DNAAF11: variants seen among roughly 807,000 people sequenced by gnomAD.
DNAAF11 encodes the protein dynein axonemal assembly factor 11.
A neutral mutation model predicts 60.8 loss-of-function variants in DNAAF11; 45 were observed. That is an observed-to-expected ratio of 0.74 (90% CI 0.58 to 0.95). DNAAF11 has a LOEUF of 0.95. DNAAF11 is among the 40% of genes least tolerant of loss of function. DNAAF11 has a pLI of 0.00. For missense variants in DNAAF11, 546 were observed against 546.2 expected (o/e 1.00, Z 0.00); for synonymous variants, 191 against 183.5 (o/e 1.04, Z -0.33).
intron 10 of DNAAF11, among the ~76,000 whole-genome samples, chr8:132,588,141 T>TA (rs533472420): frequency 1.6e-4 from 25 of 152,280 alleles, no homozygotes; most frequent in African/African-American, 6.0e-4. Context: ...GTTTGACCCA[T>TA]AAAAAATAAT....
At chr8:132,676,216 A>C (rs112164610), upstream of DNAAF11, among the ~76,000 whole-genome samples, 15 of 152,224 alleles carry the variant, frequency 9.9e-5, no homozygotes, top group African/African-American at 3.6e-4. Context: ...AAAATGTAGG[A>C]AGTATATCTC....
At chr8:132,658,690 T>C (rs1346375613) in intron 2 of DNAAF11, among the ~76,000 whole-genome samples, 1 of 152,184 alleles carries the variant, frequency 6.6e-6, no homozygotes, top group Non-Finnish European at 1.5e-5. Flanking sequence ...TACTTTATTA[T>C]TGTTAAAATG....
intron 7 of DNAAF11, among the ~76,000 whole-genome samples, chr8:132,620,427 C>G (rs1368788247): frequency 6.6e-6 from 1 of 152,146 alleles, no homozygotes; most frequent in East Asian, 1.9e-4. Context: ...CTCTGCCTCC[C>G]AGGTTCAAGC....
chr8:132,678,080 T>C (rs921099627), upstream of DNAAF11, among the ~76,000 whole-genome samples: 2 of 151,602 alleles, frequency 1.3e-5, no homozygotes, highest in African/African-American at 4.9e-5. Context: ...AGTTCAAGAG[T>C]AAGATTGAGA....
Position 132,611,231 on chromosome 8 carries a change from G to C in DNAAF11, c.1044+63C>G, listed in dbSNP as rs1309221556. ...TTAATAATACTTAAAAACATTTGAGGCACCACAGCTTAGTTCAAAGCTTAG... is the reference window on the plus strand; with the variant it reads ...TTAATAATACTTAAAAACATTTGAGCCACCACAGCTTAGTTCAAAGCTTAG... On this transcript the variant is annotated intron_variant, in intron 9 of 11. Transcript: ENST00000620350. The C allele has an allele frequency of 4.4e-6, 5 of 1,131,224 alleles. No individual in the cohort carries two copies. The African/African-American group carries it at 6.2e-5, about 14-fold the overall frequency. The allele number at this position is 1,131,224 out of a possible 1,614,324, so 70.1% of individuals were successfully genotyped here.
At chr8:132,671,457 C>T (rs1303088458) in intron 1 of DNAAF11, among the ~76,000 whole-genome samples, 1 of 152,100 alleles carries the variant, frequency 6.6e-6, no homozygotes, top group African/African-American at 2.4e-5. Flanking sequence ...TCATTCTCCC[C>T]AAATCGAGCT....
intron 1 of DNAAF11, among the ~76,000 whole-genome samples, chr8:132,674,706 T>C (rs1825608764): frequency 6.6e-6 from 1 of 152,112 alleles, no homozygotes; most frequent in African/African-American, 2.4e-5. Context: ...CTGGCCAACA[T>C]GGCAAAACCC....
chr8:132,632,998 C>A (rs771249725), intron 4 of DNAAF11, 35 bp from the exon 5 acceptor site: 3 of 1,455,628 alleles, frequency 2.1e-6, no homozygotes, highest in Admixed American at 3.4e-5. Flanking sequence ...TACAATTGTT[C>A]AAAAGTAGCA....
At chr8:132,685,360 C>A in the DNAAF11 span, among the ~76,000 whole-genome samples, 4 of 152,152 alleles carry the variant, frequency 2.6e-5, no homozygotes, top group African/African-American at 9.7e-5. Context: ...TTAATATAAT[C>A]AACCAAGATA....
intron 8 of DNAAF11, among the ~76,000 whole-genome samples, chr8:132,614,253 C>T (rs1466597368): frequency 2.0e-5 from 3 of 152,068 alleles, no homozygotes; most frequent in African/African-American, 4.8e-5. Context: ...CTGAAGGACA[C>T]GAGGCAGCAA....
intron 7 of DNAAF11, among the ~76,000 whole-genome samples, chr8:132,617,720 C>G (rs1819319249): frequency 6.6e-6 from 1 of 151,916 alleles, no homozygotes; most frequent in South Asian, 2.1e-4. Context: ...AATAAAATAC[C>G]TAGGAATCCA....
chr8:132,585,417 T>C (rs1815788034), intron 10 of DNAAF11, among the ~76,000 whole-genome samples: 1 of 152,158 alleles, frequency 6.6e-6, no homozygotes. Context: ...TGGGAGGGTG[T>C]ATGTGCGTTG....
intron 1 of DNAAF11, among the ~76,000 whole-genome samples, chr8:132,672,819 G>C (rs578077781): frequency 6.6e-6 from 1 of 152,276 alleles, no homozygotes; most frequent in East Asian, 1.9e-4. Context: ...CGGGAAGCTC[G>C]TATCCTAGGT....
At chr8:132,647,735 CT>C (rs1356542363) in intron 3 of DNAAF11, among the ~76,000 whole-genome samples, 198 of 152,288 alleles carry the variant, frequency 1.3e-3, no homozygotes, top group African/African-American at 4.5e-3. Flanking sequence ...CTATAAACAC[CT>C]CTACGCAAAT....
At chr8:132,669,940 C>CAAAAA (rs35402875) in intron 1 of DNAAF11, among the ~76,000 whole-genome samples, 28 of 69,748 alleles carry the variant, frequency 4.0e-4, no homozygotes, top group African/African-American at 7.6e-4. Context: ...GACTCCGTCT[C>CAAAAA]AAAAAAAAAA....
intron 10 of DNAAF11, among the ~76,000 whole-genome samples, chr8:132,592,062 G>C (rs1816521338): frequency 6.6e-6 from 1 of 152,010 alleles, no homozygotes; most frequent in Admixed American, 6.6e-5. Context: ...TTTCCAAATA[G>C]CCAATATCCT....
Position 132,653,994 on chromosome 8 carries a change from G to A in DNAAF11, c.256+2836C>T, listed in dbSNP as rs200851941. ...CAGGATAGATTAAAAATCAAAACAC[G>A]ATTCATCTATATGCCTTTTAAAGAG... On this transcript the variant is annotated intron_variant, in intron 3 of 11. Coordinates refer to ENST00000620350, the MANE Select transcript of DNAAF11 (RefSeq NM_012472.6). 1.7e-4 allele frequency among the ~76,000 whole-genome samples: 26 copies of A among 151,922 alleles called. 1 individual carries two copies. Among genetic ancestry groups the A allele is most frequent in the African/African-American group, 5.8e-4 (24 of 41,390 alleles).
chr8:132,632,715 G>T, intron 5 of DNAAF11, 25 bp downstream of exon 5: 1 of 1,524,872 alleles, frequency 6.6e-7, no homozygotes, highest in Non-Finnish European at 9.1e-7. Flanking sequence ...AAGTTAACTA[G>T]AAAGTAAACT....
At chr8:132,612,942 G>A (rs1818809408) in intron 8 of DNAAF11, among the ~76,000 whole-genome samples, 1 of 152,160 alleles carries the variant, frequency 6.6e-6, no homozygotes, top group Admixed American at 6.5e-5. Flanking sequence ...GACTGAACAG[G>A]AAGCAGCCAA....
Sources: allele counts gnomAD v4.1 joint callset (sites outside exome capture counted in the v4.1 genomes callset), GRCh38; gene constraint gnomAD v4.1.1; transcripts MANE v1.5; gene names NCBI Gene and HGNC (gene_info 2026-07-23, HGNC 2026-07-21).